The following STK3 variants were observed in gnomAD, a reference collection of about 807,000 sequenced individuals.
STK3 encodes the protein serine/threonine kinase 3, also known as serine/threonine-protein kinase 3.
A neutral mutation model predicts 58.0 loss-of-function variants in STK3; 41 were observed. The ratio of observed to expected loss-of-function variants is 0.71; its 90% confidence interval spans 0.55 to 0.92. The LOEUF (loss-of-function observed/expected upper bound fraction) is 0.92, where lower values mean the gene tolerates loss of function less well. Among genes scored for constraint, STK3 ranks in the 40% least tolerant of loss-of-function variants. The pLI, the probability that STK3 is intolerant of heterozygous loss-of-function variation, is 0.00. For missense variants in STK3, 479 were observed against 602.7 expected (o/e 0.79, Z 2.15); for synonymous variants, 170 against 191.0 (o/e 0.89, Z 0.91).
chr8:98,669,152 A>G (rs1822603764), intron 6 of STK3, among the ~76,000 whole-genome samples: 1 of 151,802 alleles, frequency 6.6e-6, no homozygotes, highest in African/African-American at 2.4e-5. Context: ...ACGCACCACC[A>G]CACCTGGCTA....
downstream of STK3, among the ~76,000 whole-genome samples, chr8:98,370,986 T>C (rs1400743933): frequency 6.6e-6 from 1 of 152,228 alleles, no homozygotes; most frequent in African/African-American, 2.4e-5. Context: ...ACACTTACAC[T>C]ATATTTTAGG....
chr8:98,747,082 T>A, intron 4 of STK3, among the ~76,000 whole-genome samples: 1 of 142,978 alleles, frequency 7.0e-6, no homozygotes. Context: ...AATAACAACA[T>A]TTTCACCAAA....
intron 6 of STK3, among the ~76,000 whole-genome samples, chr8:98,696,936 C>A: frequency 6.6e-6 from 1 of 151,794 alleles, no homozygotes; most frequent in African/African-American, 2.4e-5. Flanking sequence ...GGAATGGTAC[C>A]AATTCCTCCT....
chr8:98,587,273 G>C (rs557915523), intron 7 of STK3, among the ~76,000 whole-genome samples: 1 of 151,892 alleles, frequency 6.6e-6, no homozygotes, highest in Non-Finnish European at 1.5e-5. Context: ...CTTTGAATGC[G>C]TCCCAGAGAT....
intron 10 of STK3, 126 bp from the exon 11 acceptor site, chr8:98,456,126 ATCTT>A: frequency 1.0e-6 from 1 of 968,204 alleles, no homozygotes; most frequent in Non-Finnish European, 1.5e-6. Context: ...TCTTTACATC[ATCTT>A]TGAAGTATAG....
intron 8 of STK3, among the ~76,000 whole-genome samples, chr8:98,565,580 A>G (rs1411966384): frequency 1.3e-5 from 2 of 152,156 alleles, no homozygotes; most frequent in Non-Finnish European, 2.9e-5. Context: ...TCTATTTTCA[A>G]AATAGCATCA....
chr8:98,583,900 G>C (rs1048664744), intron 7 of STK3, among the ~76,000 whole-genome samples: 1 of 151,676 alleles, frequency 6.6e-6, no homozygotes, highest in African/African-American at 2.4e-5. Flanking sequence ...AAGAAAGAGA[G>C]AGAAGGTAAC....
upstream of STK3, among the ~76,000 whole-genome samples, chr8:98,392,833 A>T (rs756875226): frequency 6.6e-6 from 1 of 152,182 alleles, no homozygotes; most frequent in African/African-American, 2.4e-5. Context: ...TTGGCACTGA[A>T]AGGTAGGCAC....
chr8:98,774,670 T>G, intron 2 of STK3, 69 bp downstream of exon 2: 2 of 1,129,236 alleles, frequency 1.8e-6, no homozygotes, highest in South Asian at 3.2e-5. Flanking sequence ...AGTTGAAAGA[T>G]TAACATCATA....
chr8:98,593,365 T>C (rs1815500890), intron 7 of STK3, among the ~76,000 whole-genome samples: 1 of 152,248 alleles, frequency 6.6e-6, no homozygotes, highest in Non-Finnish European at 1.5e-5. Flanking sequence ...ATGAATATGG[T>C]ATAATCTGTA....
rs368988169 is a variant in STK3, at chr8:98,650,156, T to C, written c.685-53987A>G. Among the ~76,000 whole-genome samples the C allele has an allele frequency of 7.2e-5, 11 of 152,334 alleles. No individual in the cohort carries two copies. The South Asian group carries it at 2.1e-3, about 29-fold the overall frequency. ...TTTGGATATCATAAGCATACAATCA[T>C]ATCAGCAAAATAAAATGTATTTTTC... On this transcript the variant is annotated intron_variant, in intron 6 of 10. Transcript: ENST00000419617.
At chr8:98,912,406 G>GA (rs57138062) in intron 1 of STK3, among the ~76,000 whole-genome samples, 19,399 of 143,382 alleles carry the variant, frequency 0.14, 1,263 homozygotes, top group African/African-American at 0.15. Flanking sequence ...AATAACAAAC[G>GA]AAAAAAAAAA....
chr8:98,830,900 G>A (rs1426231661), intron 3 of STK3, among the ~76,000 whole-genome samples: 2 of 150,276 alleles, frequency 1.3e-5, no homozygotes, highest in Non-Finnish European at 3.0e-5. Flanking sequence ...AACCCGGGAG[G>A]CGAAGCTTGC....
chr8:98,863,190 AT>A (rs1836997942), intron 3 of STK3, among the ~76,000 whole-genome samples: 1 of 152,226 alleles, frequency 6.6e-6, no homozygotes, highest in African/African-American at 2.4e-5. Flanking sequence ...AATATGAAGT[AT>A]GATAGAGATG....
chr8:98,580,233 CTTCT>C (rs1277969644), intron 7 of STK3, among the ~76,000 whole-genome samples: 2 of 152,154 alleles, frequency 1.3e-5, no homozygotes, highest in African/African-American at 4.8e-5. Context: ...TATTTTGTTA[CTTCT>C]TTAACATATT....
At chr8:98,674,101 A>G (rs1164964582) in intron 6 of STK3, among the ~76,000 whole-genome samples, 3 of 152,198 alleles carry the variant, frequency 2.0e-5, no homozygotes, top group Non-Finnish European at 2.9e-5. Flanking sequence ...TGAAAAATGG[A>G]AACTAAAAAT....
At chr8:98,365,723 G>A in the STK3 span, among the ~76,000 whole-genome samples, 1 of 143,398 alleles carries the variant, frequency 7.0e-6, no homozygotes, top group South Asian at 2.5e-4. Context: ...TGAATGTATT[G>A]ATAAACAATA....
intron 3 of STK3, among the ~76,000 whole-genome samples, chr8:98,421,209 C>T (rs766881585): frequency 3.3e-5 from 5 of 152,174 alleles, no homozygotes; most frequent in Non-Finnish European, 5.9e-5. Context: ...AGCTGTCAGC[C>T]TCCCACAGAA....
chr8:98,384,240 C>A (rs575451625), intron 1 of STK3, among the ~76,000 whole-genome samples: 1 of 152,310 alleles, frequency 6.6e-6, no homozygotes, highest in Admixed American at 6.5e-5. Flanking sequence ...GTGTAACCAA[C>A]TGGAGGCTTC....
Sources: allele counts gnomAD v4.1 joint callset (sites outside exome capture counted in the v4.1 genomes callset), GRCh38; gene constraint gnomAD v4.1.1; transcripts MANE v1.5; gene names NCBI Gene and HGNC (gene_info 2026-07-23, HGNC 2026-07-21).